Variants in ANKRD36 observed in about 807,000 individuals in gnomAD.
The protein encoded by ANKRD36 is ankyrin repeat domain-containing protein 36A.
ANKRD36 carries 179 observed loss-of-function variants against 278.1 expected under a neutral mutation model. The ratio of observed to expected loss-of-function variants is 0.64; its 90% confidence interval spans 0.57 to 0.73. ANKRD36 has a LOEUF of 0.73. ANKRD36 is among the 30% of genes least tolerant of loss of function. The pLI is 0.00. For synonymous variants in ANKRD36, 320 were observed against 641.1 expected (o/e 0.50, Z 7.57); for missense variants, 1,159 against 1,956.7 (o/e 0.59, Z 7.69).
chr2:97,202,080 A>C, intron 46 of ANKRD36, 122 bp from the exon 47 acceptor site: 1 of 1,548,986 alleles, frequency 6.5e-7, no homozygotes, highest in Non-Finnish European at 8.7e-7. Flanking sequence ...ACAAAGTAGA[A>C]GCCATGAAGG....
chr2:97,149,116 A>G (rs2045198248), intron 11 of ANKRD36, among the ~76,000 whole-genome samples, 179 bp from the exon 12 acceptor site: 1 of 151,864 alleles, frequency 6.6e-6, no homozygotes, highest in Non-Finnish European at 1.5e-5. Flanking sequence ...AATGTTTTCT[A>G]AAATGGAAGC....
chr2:97,116,420 T>C (rs2035376824), intron 1 of ANKRD36, among the ~76,000 whole-genome samples: 1 of 151,866 alleles, frequency 6.6e-6, no homozygotes, highest in African/African-American at 2.4e-5. Context: ...ATTACAGGTG[T>C]GCGCCTCCAT....
chr2:97,196,511 G>A (rs1384822594), intron 40 of ANKRD36, 82 bp from the exon 41 acceptor site: 1 of 1,587,014 alleles, frequency 6.3e-7, no homozygotes, highest in Non-Finnish European at 8.5e-7. Context: ...GAGGACAGAG[G>A]TTGATGCTAA....
intron 62 of ANKRD36, chr2:97,216,922 C>T (rs1281088348): frequency 1.7e-5 from 15 of 900,552 alleles, no homozygotes; most frequent in Non-Finnish European, 2.4e-5. Flanking sequence ...TTGATATTGA[C>T]ACGGTTTTAT....
intron 36 of ANKRD36, among the ~76,000 whole-genome samples, chr2:97,191,931 T>A (rs1215952205): frequency 6.6e-6 from 1 of 151,672 alleles, no homozygotes; most frequent in African/African-American, 2.4e-5. Flanking sequence ...GGCTTCCTTG[T>A]TCAAGGAGCT....
At chr2:97,133,169 C>A (rs1317131730) in intron 6 of ANKRD36, among the ~76,000 whole-genome samples, 2 of 151,988 alleles carry the variant, frequency 1.3e-5, no homozygotes, top group Non-Finnish European at 2.9e-5. Flanking sequence ...CTGTTATATG[C>A]ATTATTTTCT....
intron 1 of ANKRD36, among the ~76,000 whole-genome samples, chr2:97,116,089 TTTC>T (rs2035247656): frequency 6.6e-6 from 1 of 152,128 alleles, no homozygotes; most frequent in Non-Finnish European, 1.5e-5. Context: ...AAATGTAACA[TTTC>T]TTCTTTTCTG....
Position 97,209,988 on chromosome 2 carries a change from G to A in ANKRD36, c.3367+116G>A. ...CTGCACATTCTGATTCAGCAGTCCT[G>A]AGATTCTTCATTTCAAATAAGTTCT... On this transcript the variant is annotated intron_variant, in intron 56 of 75. Coordinates refer to ENST00000420699, the MANE Select transcript of ANKRD36 (RefSeq NM_001354587.1). 2.1e-6 allele frequency: 3 copies of A among 1,417,124 alleles called. No homozygotes were observed. The South Asian group carries it at 4.2e-5, about 20-fold the overall frequency. 87.8% of individuals were successfully genotyped at this position (1,417,124 alleles called of 1,614,324 possible). A position where few individuals can be genotyped will look rare whatever the true frequency, so the allele number is the denominator to read the frequency against.
chr2:97,218,731 T>C (rs2066603972), intron 64 of ANKRD36, among the ~76,000 whole-genome samples: 2 of 152,112 alleles, frequency 1.3e-5, no homozygotes, highest in Non-Finnish European at 2.9e-5. Context: ...TCTAGGGTTA[T>C]GACTTGCTCC....
At chr2:97,175,655 G>C (rs1485576979) in intron 22 of ANKRD36, among the ~76,000 whole-genome samples, 4 of 150,814 alleles carry the variant, frequency 2.7e-5, no homozygotes, top group African/African-American at 9.8e-5. Context: ...GTTATTTCTT[G>C]CCTTCTGCTA....
At chr2:97,226,243 A>G (rs2069554359) in intron 67 of ANKRD36, among the ~76,000 whole-genome samples, 1 of 151,870 alleles carries the variant, frequency 6.6e-6, no homozygotes, top group Non-Finnish European at 1.5e-5. Flanking sequence ...TCCCACCAAC[A>G]GTGTAAAAGT....
chr2:97,179,287 A>G (rs143920736), intron 22 of ANKRD36, among the ~76,000 whole-genome samples: 3 of 151,220 alleles, frequency 2.0e-5, no homozygotes, highest in Non-Finnish European at 4.4e-5. Flanking sequence ...CTCACTGATC[A>G]ATCAAGTTAA....
intron 36 of ANKRD36, among the ~76,000 whole-genome samples, chr2:97,191,509 G>A (rs2058509014): frequency 6.6e-6 from 1 of 151,662 alleles, no homozygotes; most frequent in African/African-American, 2.4e-5. Flanking sequence ...AAGAGAGGAA[G>A]TATAGATTTT....
chr2:97,208,127 T>G, intron 54 of ANKRD36, 121 bp downstream of exon 54: 1 of 1,107,020 alleles, frequency 9.0e-7, no homozygotes, highest in Non-Finnish European at 1.3e-6. Context: ...GTCCTGAGAT[T>G]CTTCATTTCA....
intron 44 of ANKRD36, among the ~76,000 whole-genome samples, chr2:97,199,988 T>C (rs1177722352): frequency 1.3e-5 from 2 of 152,006 alleles, no homozygotes; most frequent in African/African-American, 4.8e-5. Flanking sequence ...GTAGCACCTG[T>C]TTTGACATTG....
intron 22 of ANKRD36, among the ~76,000 whole-genome samples, chr2:97,179,389 G>A (rs1426829920): frequency 4.0e-5 from 6 of 151,576 alleles, no homozygotes; most frequent in Admixed American, 6.6e-5. Flanking sequence ...CTGCTTTGAC[G>A]TTGATTCCCA....
chr2:97,186,642 G>A (rs1189463816), intron 30 of ANKRD36, among the ~76,000 whole-genome samples: 1 of 151,676 alleles, frequency 6.6e-6, no homozygotes, highest in Non-Finnish European at 1.5e-5. Context: ...TTATTTACTC[G>A]GATTAAGGAA....
At position 97,193,125 on chromosome 2, in the gene ANKRD36, A is replaced by T. The variant is rs1575602684; in HGVS notation, c.2449+72A>T. ...AGAAGTTCTCTTCCCTGAATAAATC[A>T]GCGGGGGGCTCGTTGAAGCTGCACA... On this transcript the variant is annotated intron_variant, in intron 38 of 75. Coordinates refer to ENST00000420699, the MANE Select transcript of ANKRD36 (RefSeq NM_001354587.1). The T allele has an allele frequency of 1.1e-5, 15 of 1,369,508 alleles. 2 individuals carry two copies. The East Asian group carries it at 2.5e-4, about 23-fold the overall frequency. The allele number at this position is 1,369,508 out of a possible 1,614,324, so 84.8% of individuals were successfully genotyped here.
chr2:97,198,738 GCT>G lies in ANKRD36; in HGVS notation c.2755+82_2755+83del, dbSNP rs2060493396. 2.9e-6 allele frequency: 4 copies of G among 1,357,354 alleles called. No individual in the cohort carries two copies. The Admixed American group carries it at 9.5e-5, about 32-fold the overall frequency. The allele number at this position is 1,357,354 out of a possible 1,614,324, so 84.1% of individuals were successfully genotyped here. On this transcript the variant is annotated intron_variant, in intron 44 of 75. Coordinates refer to ENST00000420699, the MANE Select transcript of ANKRD36 (RefSeq NM_001354587.1). Reference sequence around the variant, plus strand: ...TCTTCCCTGAATAAATCAGCGGGGGGCTCGTTGAAGCTGCACATTCTGATTCA... The same window carrying G: ...TCTTCCCTGAATAAATCAGCGGGGGGCGTTGAAGCTGCACATTCTGATTCA...
Sources: allele counts gnomAD v4.1 joint callset (sites outside exome capture counted in the v4.1 genomes callset), GRCh38; gene constraint gnomAD v4.1.1; transcripts MANE v1.5; gene names NCBI Gene and HGNC (gene_info 2026-07-23, HGNC 2026-07-21).